Variants in RBFOX1 observed in about 807,000 individuals in gnomAD.
RBFOX1 encodes RNA binding protein fox-1 homolog 1.
A neutral mutation model predicts 57.7 loss-of-function variants in RBFOX1; 8 were observed. The ratio of observed to expected loss-of-function variants is 0.14; its 90% confidence interval spans 0.08 to 0.25. The LOEUF is 0.25. Among genes scored for constraint, RBFOX1 ranks in the 10% least tolerant of loss-of-function variants. RBFOX1 has a pLI of 1.00. For missense variants in RBFOX1, 611 were observed against 548.5 expected, an observed-to-expected ratio of 1.11 and a Z score of -1.14; for synonymous variants, 326 against 222.4, an observed-to-expected ratio of 1.47 and a Z score of -4.15.
At chr16:7,444,647 C>A (rs940688652) in intron 4 of RBFOX1, among the ~76,000 whole-genome samples, 8 of 152,030 alleles carry the variant, frequency 5.3e-5, no homozygotes, top group Admixed American at 4.6e-4. Flanking sequence ...ATCCTTCTAC[C>A]TTTGTCTCCC....
At chr16:6,481,606 A>G (rs1046257016) in intron 2 of RBFOX1, among the ~76,000 whole-genome samples, 1 of 152,192 alleles carries the variant, frequency 6.6e-6, no homozygotes, top group Non-Finnish European at 1.5e-5. Flanking sequence ...CTGTAATTGT[A>G]CAGGGTTCTG....
chr16:5,591,217 C>G (rs1363382489), intron 2 of RBFOX1, among the ~76,000 whole-genome samples: 4 of 151,830 alleles, frequency 2.6e-5, no homozygotes, highest in Non-Finnish European at 4.4e-5. Context: ...ATGAGTTTTC[C>G]TGCTACCACA....
intron 2 of RBFOX1, among the ~76,000 whole-genome samples, chr16:5,476,640 G>C (rs1263355367): frequency 6.6e-6 from 1 of 152,198 alleles, no homozygotes; most frequent in African/African-American, 2.4e-5. Flanking sequence ...GTAGTGTCTG[G>C]AATTTACTTG....
At chr16:7,609,918 A>C (rs535301964) in intron 10 of RBFOX1, among the ~76,000 whole-genome samples, 3 of 131,302 alleles carry the variant, frequency 2.3e-5, no homozygotes, top group Non-Finnish European at 5.0e-5. Flanking sequence ...CCCGGGTTCA[A>C]GTGATTCTCC....
chr16:6,460,503 C>T (rs575099760), intron 2 of RBFOX1, among the ~76,000 whole-genome samples: 160 of 151,298 alleles, frequency 1.1e-3, no homozygotes, highest in Non-Finnish European at 1.7e-3. Context: ...AAAAGCTCAA[C>T]ATCAGCGATC....
chr16:6,513,067 A>G (rs1258972578), intron 2 of RBFOX1, among the ~76,000 whole-genome samples: 1 of 152,212 alleles, frequency 6.6e-6, no homozygotes, highest in Non-Finnish European at 1.5e-5. Flanking sequence ...ATGGCACAGT[A>G]TTGAAGAATC....
intron 1 of RBFOX1, among the ~76,000 whole-genome samples, chr16:6,040,311 C>A (rs2095422363): frequency 6.6e-6 from 1 of 152,170 alleles, no homozygotes; most frequent in Non-Finnish European, 1.5e-5. Context: ...TCCAGAACTC[C>A]TTTCATCTTG....
At chr16:7,152,025 G>C (rs139194516) in intron 4 of RBFOX1, among the ~76,000 whole-genome samples, 1 of 152,144 alleles carries the variant, frequency 6.6e-6, no homozygotes. Context: ...CTAGGCCATC[G>C]CCTGAGGTTT....
intron 3 of RBFOX1, among the ~76,000 whole-genome samples, chr16:5,679,334 C>CTT (rs571622871): frequency 0.022 from 3,076 of 142,088 alleles, 123 homozygotes; most frequent in African/African-American, 0.082. Context: ...AATTCTCTCT[C>CTT]TTTTTTTTTT....
intron 4 of RBFOX1, among the ~76,000 whole-genome samples, chr16:7,360,202 A>G (rs1315205983): frequency 6.6e-6 from 1 of 152,210 alleles, no homozygotes; most frequent in Non-Finnish European, 1.5e-5. Context: ...TATATATAGC[A>G]TGGTATTATG....
intron 1 of RBFOX1, among the ~76,000 whole-genome samples, chr16:5,463,525 C>T (rs919712757): frequency 6.6e-6 from 1 of 152,066 alleles, no homozygotes; most frequent in South Asian, 2.1e-4. Context: ...GGTGGCCGGG[C>T]GTGGTGGGTC....
chr16:6,288,515 C>T (rs753513727), intron 1 of RBFOX1, among the ~76,000 whole-genome samples: 8 of 152,174 alleles, frequency 5.3e-5, no homozygotes, highest in Admixed American at 4.6e-4. Flanking sequence ...GATTTTGTGA[C>T]AAACCACATA....
At chr16:6,826,780 A>G (rs1051684483) in intron 3 of RBFOX1, among the ~76,000 whole-genome samples, 1 of 152,162 alleles carries the variant, frequency 6.6e-6, no homozygotes, top group Non-Finnish European at 1.5e-5. Context: ...ATACTACAAG[A>G]ATGACTTTAT....
chr16:7,322,265 AT>A (rs1298820137), intron 4 of RBFOX1, among the ~76,000 whole-genome samples: 1 of 152,250 alleles, frequency 6.6e-6, no homozygotes, highest in Admixed American at 6.5e-5. Context: ...TGCTTTTACA[AT>A]ATGGGGTGCC....
chr16:7,209,650 T>G (rs2090721886), intron 4 of RBFOX1, among the ~76,000 whole-genome samples: 1 of 152,336 alleles, frequency 6.6e-6, no homozygotes, highest in Non-Finnish European at 1.5e-5. Context: ...TTTGAGCACT[T>G]AAGTCGCATT....
chr16:7,489,633 A>G (rs1408724051), intron 4 of RBFOX1, among the ~76,000 whole-genome samples: 1 of 151,968 alleles, frequency 6.6e-6, no homozygotes, highest in Admixed American at 6.6e-5. Context: ...CTCCAACGTC[A>G]GTCTCCCGAG....
intron 3 of RBFOX1, among the ~76,000 whole-genome samples, chr16:5,713,545 A>T (rs1258580555): frequency 2.0e-5 from 3 of 152,156 alleles, no homozygotes; most frequent in African/African-American, 7.2e-5. Flanking sequence ...TCTCCAAAGG[A>T]TGCCTCTTTT....
chr16:6,535,455 A>G (rs780401333), intron 2 of RBFOX1, among the ~76,000 whole-genome samples: 1 of 152,162 alleles, frequency 6.6e-6, no homozygotes, highest in Non-Finnish European at 1.5e-5. Context: ...TTCTTTTCAT[A>G]CCACCCAACA....
chr16:7,529,513 C>T (rs2079490507), intron 5 of RBFOX1, among the ~76,000 whole-genome samples: 1 of 152,166 alleles, frequency 6.6e-6, no homozygotes, highest in South Asian at 2.1e-4. Flanking sequence ...CCAATCATTG[C>T]TATTTTGGAT....
Sources: allele counts gnomAD v4.1 joint callset (sites outside exome capture counted in the v4.1 genomes callset), GRCh38; gene constraint gnomAD v4.1.1; transcripts MANE v1.5; gene names NCBI Gene and HGNC (gene_info 2026-07-23, HGNC 2026-07-21).